Variants in ZBTB32 observed in about 807,000 individuals in gnomAD.
The protein encoded by ZBTB32 is zinc finger and BTB domain-containing protein 32.
ZBTB32 carries 28 observed loss-of-function variants against 45.3 expected under a neutral mutation model. The observed-to-expected ratio is 0.62, with a 90% CI of 0.46 to 0.85. The LOEUF (loss-of-function observed/expected upper bound fraction) is 0.85, where lower values mean the gene tolerates loss of function less well. ZBTB32 is among the 40% of genes least tolerant of loss of function. The probability of loss-of-function intolerance (pLI) is 0.00; values close to 1 mark genes in which losing one functional copy is unlikely to be tolerated. For synonymous variants in ZBTB32, 283 were observed against 255.7 expected, an observed-to-expected ratio of 1.11 and a Z score of -1.02; for missense variants, 587 against 624.4, an observed-to-expected ratio of 0.94 and a Z score of 0.64.
In ZBTB32 at chr19:35,716,595, G is replaced by C. The variant is rs1968913713; in HGVS notation, c.1307G>C (p.Gly436Ala). 1 of 1,612,970 alleles carries C rather than the reference G, an allele frequency of 6.2e-7. No homozygotes were observed. Among genetic ancestry groups the C allele is most frequent in the Admixed American group, 1.7e-5 (1 of 59,992 alleles). Reference protein sequence around the residue: ...APYRCSLCGAGCPSLASMQAH... With the variant: ...APYRCSLCGAACPSLASMQAH... Reference sequence around the variant, plus strand: ...TACCGCTGCTCCCTGTGCGGGGCCGGCTGTCCCAGCCTGGCCTCCATGCAG... The same window carrying C: ...TACCGCTGCTCCCTGTGCGGGGCCGCCTGTCCCAGCCTGGCCTCCATGCAG... The change falls in exon 7 of 7, where the codon GGC becomes GCC. Residue 436 changes from glycine to alanine, a missense_variant. Physicochemically the swap from Gly to Ala is moderately conservative, Grantham distance 60. Coordinates refer to ENST00000392197, the MANE Select transcript of ZBTB32 (RefSeq NM_014383.3).
chr19:35,711,489 G>A (rs192017934), intron 1 of ZBTB32, among the ~76,000 whole-genome samples: 169 of 152,178 alleles, frequency 1.1e-3, no homozygotes, highest in African/African-American at 3.9e-3. Context: ...TTTCCCTTTC[G>A]TTCTGACTCA....
At chr19:35,705,394 G>C (rs1369992897) in intron 1 of ZBTB32, among the ~76,000 whole-genome samples, 1 of 152,092 alleles carries the variant, frequency 6.6e-6, no homozygotes, top group Admixed American at 6.6e-5. Context: ...TGCACATGAA[G>C]GTTTCCTGGG....
rs911271643 is a variant in ZBTB32 at position 35,716,846 on chromosome 19, T to C, written c.*94T>C. 4.1e-6 allele frequency: 6 copies of C among 1,462,568 alleles called. No individual in the cohort carries two copies. In the Admixed American group the frequency reaches 6.1e-5, roughly 15 times the overall value. The allele number at this position is 1,462,568 out of a possible 1,614,324, so 90.6% of individuals were successfully genotyped here. On this transcript the variant is annotated 3_prime_UTR_variant, in exon 7 of 7. Transcript: ENST00000392197. ...ACCTGGCACCGCTGCTACGGCGGCCTAGCAAATTCCGCCCCAGAAGCGCCC... is the reference window on the plus strand; with the variant it reads ...ACCTGGCACCGCTGCTACGGCGGCCCAGCAAATTCCGCCCCAGAAGCGCCC...
At chr19:35,712,500 G>A (rs981740449) in intron 1 of ZBTB32, among the ~76,000 whole-genome samples, 1 of 152,156 alleles carries the variant, frequency 6.6e-6, no homozygotes, top group Admixed American at 6.5e-5. Context: ...TTTTGCTATA[G>A]GATCAGGGAT....
chr19:35,710,210 C>T (rs1265771150), intron 1 of ZBTB32, among the ~76,000 whole-genome samples: 1 of 141,008 alleles, frequency 7.1e-6, no homozygotes, highest in Non-Finnish European at 1.6e-5. Flanking sequence ...AACTCTGTCT[C>T]AAAAAAAAAA....
At chr19:35,715,666 C>T in intron 3 of ZBTB32, 91 bp from the exon 4 acceptor site, 1 of 1,499,194 alleles carries the variant, frequency 6.7e-7, no homozygotes, top group Non-Finnish European at 9.0e-7. Flanking sequence ...AAGCCCAGCC[C>T]CCGGGGGAGG....
In ZBTB32 at chr19:35,714,920, G is replaced by A; in HGVS notation, c.294G>A (p.Arg98=). Reference sequence around the variant, plus strand: ...TAAGGCCCCTTCAGGAGGCGGCCAGGGCCTTGGGAGTGCAGTCCCTGGAAG... The same window carrying A: ...TAAGGCCCCTTCAGGAGGCGGCCAGAGCCTTGGGAGTGCAGTCCCTGGAAG... ...GELRPLQEAA[R]ALGVQSLEEA... The change falls in exon 3 of 7, where the codon AGG becomes AGA. Residue 98 remains arginine (R), a synonymous_variant. Transcript: ENST00000392197. 6.3e-7 allele frequency: 1 copy of A among 1,582,356 alleles called. No homozygotes were observed. Among genetic ancestry groups the A allele is most frequent in the Non-Finnish European group, 8.6e-7 (1 of 1,164,096 alleles).
At chr19:35,704,775 G>A (rs988473335) in intron 1 of ZBTB32, among the ~76,000 whole-genome samples, 152 bp downstream of exon 1, 15 of 152,240 alleles carry the variant, frequency 9.9e-5, no homozygotes, top group Non-Finnish European at 2.1e-4. Flanking sequence ...CCTTTGAGAG[G>A]CTGGAAATGC....
intron 1 of ZBTB32, among the ~76,000 whole-genome samples, chr19:35,708,797 ATC>A (rs1213907219): frequency 6.6e-6 from 1 of 150,912 alleles, no homozygotes; most frequent in Non-Finnish European, 1.5e-5. Context: ...AAGACGGAAC[ATC>A]TTTTTTTTCT....
chr19:35,712,270 T>C lies in ZBTB32; in HGVS notation c.-221-647T>C, dbSNP rs1228755437. 3.9e-5 allele frequency among the ~76,000 whole-genome samples: 6 copies of C among 152,128 alleles called. No homozygotes were observed. The East Asian group carries it at 1.2e-3, about 29-fold the overall frequency. The stretch of plus-strand genomic sequence containing the variant: ...TGAGCCCAAGAGTTCAAGACCAGCC[T>C]GGGTAACATAGTGAGACCCCTGTCT... On this transcript the variant is annotated intron_variant, in intron 1 of 6. Coordinates refer to ENST00000392197, the MANE Select transcript of ZBTB32 (RefSeq NM_014383.3).
In ZBTB32 at chr19:35,716,017, G is replaced by A. The variant is rs749065052; in HGVS notation, c.1024+10G>A. 1 of 1,611,508 alleles carries A rather than the reference G, an allele frequency of 6.2e-7. No homozygotes were observed. Among genetic ancestry groups the A allele is most frequent in the Admixed American group, 1.7e-5 (1 of 60,002 alleles). ...GATCAGGGGCACACAGGTGAGTCGG[G>A]CGGGGGCACTCGTGCCTCAGCCCCA... On this transcript the variant is annotated intron_variant, in intron 5 of 6. Coordinates refer to ENST00000392197, the MANE Select transcript of ZBTB32 (RefSeq NM_014383.3).
chr19:35,709,125 G>T (rs891000796), intron 1 of ZBTB32, among the ~76,000 whole-genome samples: 1 of 152,030 alleles, frequency 6.6e-6, no homozygotes, highest in Non-Finnish European at 1.5e-5. Context: ...TGGCGAAAGA[G>T]TAAACATACT....
chr19:35,707,838 C>T (rs1028754271), intron 1 of ZBTB32, among the ~76,000 whole-genome samples: 5 of 151,834 alleles, frequency 3.3e-5, no homozygotes, highest in South Asian at 4.2e-4. Context: ...AAAAATTAGC[C>T]GGGTGTCGTG....
In ZBTB32 at chr19:35,715,975, G is replaced by A. The variant is rs1249756064; in HGVS notation, c.992G>A (p.Gly331Glu). Residue 331 changes from glycine (G) to glutamate (E), a missense_variant, in exon 5 of 7, where the codon GGG becomes GAG. Gly to Glu is a moderately conservative substitution (Grantham distance 98, BLOSUM62 -2). Transcript: ENST00000392197. ...CAGGGCCCCGCACAGCTCAGCCCTG[G>A]GGAGATGGAAGAGTCTGATCAGGGG... ...LPQGPAQLSP[G>E]EMEESDQGHT... The A allele has an allele frequency of 1.2e-6, 2 of 1,613,126 alleles. No individual in the cohort carries two copies. Among genetic ancestry groups the A allele is most frequent in the African/African-American group, 1.3e-5 (1 of 74,894 alleles).
Position 35,715,083 on chromosome 19 carries a change from C to A in ZBTB32, c.457C>A (p.Gln153Lys), listed in dbSNP as rs1305202083. Residue 153 changes from glutamine to lysine, a missense_variant, in exon 3 of 7, where the codon CAG becomes AAG. Transcript: ENST00000392197. Reference protein sequence around the residue: ...GDPGEKQKPEQVSRTGGREQE... With the variant: ...GDPGEKQKPEKVSRTGGREQE... ...CCCTGGAGAGAAGCAGAAACCAGAA[C>A]AGGTTTCTAGAACTGGTGGGAGAGA... The A allele has an allele frequency of 1.2e-6, 2 of 1,613,978 alleles. No individual in the cohort carries two copies. Among genetic ancestry groups the A allele is most frequent in the South Asian group, 2.2e-5 (2 of 91,084 alleles).
At chr19:35,710,210 CA>C (rs548748968) in intron 1 of ZBTB32, among the ~76,000 whole-genome samples, 47 of 140,872 alleles carry the variant, frequency 3.3e-4, no homozygotes, top group Middle Eastern at 3.6e-3. Context: ...AACTCTGTCT[CA>C]AAAAAAAAAA....
intron 3 of ZBTB32, 111 bp from the exon 4 acceptor site, chr19:35,715,646 G>A (rs1968852462): frequency 6.8e-7 from 1 of 1,477,138 alleles, no homozygotes; most frequent in South Asian, 1.3e-5. Flanking sequence ...TGCTGCCACA[G>A]GGCACGCCAA....
At chr19:35,707,738 C>G (rs994821451) in intron 1 of ZBTB32, among the ~76,000 whole-genome samples, 2 of 152,062 alleles carry the variant, frequency 1.3e-5, no homozygotes, top group African/African-American at 4.8e-5. Context: ...TCCCTGCACT[C>G]TGGGAGGCTG....
Position 35,716,220 on chromosome 19 carries a change from G to T in ZBTB32, c.1112G>T (p.Arg371Leu), listed in dbSNP as rs1237539609. Residue 371 changes from arginine to leucine, a missense_variant, in exon 6 of 7, where the codon CGG becomes CTG. Arg to Leu is a moderately radical substitution (Grantham distance 102, BLOSUM62 -2). Transcript: ENST00000392197. ...CCCCCGGCCCCTCCTGCTCGGTCTC[G>T]GCCCTATGCGTGCTCTGTCTGTGGA... ...HPPPAPPARSRPYACSVCGKR... is the reference protein window; with the variant it reads ...HPPPAPPARSLPYACSVCGKR... The T allele has an allele frequency of 6.2e-7, 1 of 1,613,872 alleles. No homozygotes were observed. Among genetic ancestry groups the T allele is most frequent in the South Asian group, 1.1e-5 (1 of 91,046 alleles).
Sources: gnomAD v4.1 joint callset for allele counts (sites outside exome capture counted in the v4.1 genomes callset) on GRCh38, gnomAD v4.1.1 for gene constraint, MANE v1.5 for transcripts, NCBI Gene and HGNC (gene_info 2026-07-23, HGNC 2026-07-21) for gene names.